Variants in ANO3 observed in about 807,000 individuals in gnomAD.
The protein encoded by ANO3 is anoctamin-3.
Under a neutral mutation model 144.8 loss-of-function variants are expected in ANO3, and 99 were observed. The ratio of observed to expected loss-of-function variants is 0.68; its 90% CI spans 0.58 to 0.81. The LOEUF (loss-of-function observed/expected upper bound fraction) is 0.81. ANO3 is among the 30% of genes least tolerant of loss of function. The probability of loss-of-function intolerance (pLI) is 0.00; values close to 1 mark genes in which losing one functional copy is unlikely to be tolerated. For missense variants in ANO3, 905 were observed against 1,202.2 expected (o/e 0.75, Z 3.66); for synonymous variants, 414 against 392.6 (o/e 1.05, Z -0.64).
At chr11:26,467,223 T>A (rs1189679437) in intron 4 of ANO3, among the ~76,000 whole-genome samples, 1 of 151,926 alleles carries the variant, frequency 6.6e-6, no homozygotes, top group African/African-American at 2.4e-5. Flanking sequence ...GATACAGGCA[T>A]ACAAAATATA....
intron 5 of ANO3, among the ~76,000 whole-genome samples, chr11:26,514,577 T>C (rs932544031): frequency 6.6e-6 from 1 of 152,116 alleles, no homozygotes; most frequent in African/African-American, 2.4e-5. Context: ...CCAAATACCA[T>C]GCTTTTTCAT....
chr11:26,448,239 C>T (rs1320285806), intron 3 of ANO3, among the ~76,000 whole-genome samples: 1 of 147,842 alleles, frequency 6.8e-6, no homozygotes, highest in Non-Finnish European at 1.5e-5. Flanking sequence ...GCGGAGGTTG[C>T]GGTGAGCCGA....
chr11:26,535,364 G>C (rs543820496), intron 9 of ANO3, among the ~76,000 whole-genome samples: 14 of 152,192 alleles, frequency 9.2e-5, no homozygotes, highest in Non-Finnish European at 1.6e-4. Context: ...AATTTACATA[G>C]AGCTGAGCAG....
intron 14 of ANO3, among the ~76,000 whole-genome samples, chr11:26,591,373 G>T (rs1282703991): frequency 1.3e-5 from 2 of 152,142 alleles, no homozygotes; most frequent in Admixed American, 6.5e-5. Flanking sequence ...CTAGCAGGCT[G>T]GTCCAGGGGT....
At chr11:26,244,036 G>A (rs922948779) in intron 1 of ANO3, among the ~76,000 whole-genome samples, 1 of 149,682 alleles carries the variant, frequency 6.7e-6, no homozygotes. Flanking sequence ...AGAATCACTT[G>A]AACCTGGGAG....
At chr11:26,444,646 C>T (rs1374443924) in intron 3 of ANO3, among the ~76,000 whole-genome samples, 1 of 152,180 alleles carries the variant, frequency 6.6e-6, no homozygotes, top group African/African-American at 2.4e-5. Flanking sequence ...AGTATACGTA[C>T]TTTTAACAAA....
At chr11:26,602,122 A>G (rs1214542076) in intron 17 of ANO3, among the ~76,000 whole-genome samples, 1 of 152,242 alleles carries the variant, frequency 6.6e-6, no homozygotes, top group Non-Finnish European at 1.5e-5. Context: ...ATCAGCCAAG[A>G]AAGAGCAGAA....
intron 1 of ANO3, among the ~76,000 whole-genome samples, chr11:26,224,806 T>C (rs578087834): frequency 6.6e-6 from 1 of 152,156 alleles, no homozygotes; most frequent in Admixed American, 6.5e-5. Context: ...GCTTCAGCAA[T>C]GTATGCTGGG....
intron 6 of ANO3, among the ~76,000 whole-genome samples, chr11:26,523,953 T>A (rs567269137): frequency 3.9e-5 from 6 of 152,356 alleles, no homozygotes; most frequent in African/African-American, 1.4e-4. Context: ...ATTTATTTGA[T>A]GCTGGAAATT....
chr11:26,615,656 C>T (rs1852237923), intron 17 of ANO3, among the ~76,000 whole-genome samples: 1 of 152,072 alleles, frequency 6.6e-6, no homozygotes, highest in Non-Finnish European at 1.5e-5. Context: ...TTTCTCTACA[C>T]TTGCTTCCCT....
At chr11:26,332,997 T>G (rs190928159) in intron 1 of ANO3, among the ~76,000 whole-genome samples, 7 of 152,310 alleles carry the variant, frequency 4.6e-5, no homozygotes, top group Admixed American at 2.0e-4. Flanking sequence ...TTGATCTTTG[T>G]TTCTTATTTG....
chr11:26,543,499 T>C (rs1565093015), intron 11 of ANO3, among the ~76,000 whole-genome samples: 1 of 152,170 alleles, frequency 6.6e-6, no homozygotes, highest in African/African-American at 2.4e-5. Flanking sequence ...AGGGTACATG[T>C]GCACAACGTG....
chr11:26,640,360 A>C (rs1328618366), intron 21 of ANO3, among the ~76,000 whole-genome samples: 1 of 152,234 alleles, frequency 6.6e-6, no homozygotes, highest in Non-Finnish European at 1.5e-5. Flanking sequence ...TAATATTCAA[A>C]ACAAATTTAA....
At chr11:26,608,974 C>G (rs1204750042) in intron 17 of ANO3, among the ~76,000 whole-genome samples, 1 of 152,182 alleles carries the variant, frequency 6.6e-6, no homozygotes, top group African/African-American at 2.4e-5. Context: ...TCGCCCCTCC[C>G]CCAGGGAACT....
At chr11:26,510,623 G>GCT (rs1433293358) in intron 5 of ANO3, among the ~76,000 whole-genome samples, 1 of 151,982 alleles carries the variant, frequency 6.6e-6, no homozygotes, top group Non-Finnish European at 1.5e-5. Context: ...CATTATTTTG[G>GCT]CTAGCACTGA....
intron 4 of ANO3, among the ~76,000 whole-genome samples, chr11:26,465,271 TTTAG>T (rs1331699093): frequency 2.1e-5 from 2 of 95,782 alleles, no homozygotes; most frequent in African/African-American, 7.0e-5. Context: ...AATGAACCTA[TTTAG>T]ATAGATAGAT....
chr11:26,294,105 G>A (rs2133856513), intron 1 of ANO3, among the ~76,000 whole-genome samples: 1 of 152,212 alleles, frequency 6.6e-6, no homozygotes, highest in East Asian at 1.9e-4. Context: ...TAGAAAGTGG[G>A]CCCGGTGGAA....
chr11:26,343,688 G>A (rs1484298055), intron 1 of ANO3, among the ~76,000 whole-genome samples: 1 of 152,208 alleles, frequency 6.6e-6, no homozygotes, highest in Non-Finnish European at 1.5e-5. Context: ...GATAACTGGA[G>A]TGTAGAGTTC....
At chr11:26,461,870 C>T (rs1170613893) in intron 3 of ANO3, among the ~76,000 whole-genome samples, 2 of 151,966 alleles carry the variant, frequency 1.3e-5, no homozygotes, top group Non-Finnish European at 2.9e-5. Context: ...GGTAAAGTTT[C>T]TAGCTTATTG....
Sources: allele counts gnomAD v4.1 joint callset (sites outside exome capture counted in the v4.1 genomes callset), GRCh38; gene constraint gnomAD v4.1.1; transcripts MANE v1.5; gene names NCBI Gene and HGNC (gene_info 2026-07-23, HGNC 2026-07-21).